Variants in ADAM9 observed in about 807,000 individuals in gnomAD.
ADAM9 encodes ADAM metallopeptidase domain 9.
In ADAM9, 54 loss-of-function variants were observed where a neutral mutation model predicts 108.1. The ratio of observed to expected loss-of-function variants is 0.50; its 90% CI spans 0.40 to 0.63. The LOEUF is 0.63. Among genes scored for constraint, ADAM9 ranks in the 20% least tolerant of loss-of-function variants. ADAM9 has a pLI of 0.00. For missense variants in ADAM9, 830 were observed against 997.7 expected, an observed-to-expected ratio of 0.83 and a Z score of 2.26; for synonymous variants, 316 against 336.0, an observed-to-expected ratio of 0.94 and a Z score of 0.65.
intron 20 of ADAM9, among the ~76,000 whole-genome samples, chr8:39,094,960 TG>T (rs1284570566): frequency 6.6e-6 from 1 of 152,228 alleles, no homozygotes; most frequent in African/African-American, 2.4e-5. Flanking sequence ...AGGCTCAGAT[TG>T]TTCCTCTTTT....
intron 11 of ADAM9, among the ~76,000 whole-genome samples, chr8:39,040,328 G>A (rs775761290): frequency 3.2e-4 from 49 of 152,072 alleles, no homozygotes; most frequent in Middle Eastern, 3.2e-3. Flanking sequence ...GGATTACAGC[G>A]GTGAGCCACC....
chr8:39,016,147 G>T lies in ADAM9; in HGVS notation c.363G>T (p.Glu121Asp). ...ATTGTCATTATCGGGGCTATGTGGA[G>T]GGAGTTCATAATTCATCCATTGCTC... ...QNHCHYRGYV[E>D]GVHNSSIALS... Residue 121 changes from glutamate to aspartate, a missense_variant, in exon 5 of 22, where the codon GAG (glutamate) becomes GAT (aspartate). Around this residue, in one of 3 missense-constraint regions of ADAM9, gnomAD observed 211 missense variants for 222.2 expected, o/e 0.95. Transcript: ENST00000487273. The T allele has an allele frequency of 1.2e-6, 2 of 1,613,796 alleles. No homozygotes were observed. Among genetic ancestry groups the T allele is most frequent in the Non-Finnish European group, 1.7e-6 (2 of 1,179,776 alleles).
At chr8:39,066,704 C>G (rs1365806891) in intron 14 of ADAM9, among the ~76,000 whole-genome samples, 1 of 152,122 alleles carries the variant, frequency 6.6e-6, no homozygotes, top group Non-Finnish European at 1.5e-5. Flanking sequence ...TGTAGGTTGC[C>G]TGTTCACTCT....
At chr8:39,016,542 A>G (rs941744519) in intron 5 of ADAM9, among the ~76,000 whole-genome samples, 12 of 152,196 alleles carry the variant, frequency 7.9e-5, no homozygotes, top group African/African-American at 2.9e-4. Context: ...ATGACTGTGA[A>G]TAAGAGCTCA....
intron 11 of ADAM9, 150 bp downstream of exon 11, chr8:39,026,960 T>A: frequency 2.4e-5 from 5 of 211,636 alleles, no homozygotes; most frequent in South Asian, 1.1e-4. Context: ...ATGAGAAGTC[T>A]TTTTTTTTTT....
chr8:39,072,762 A>C (rs757206393), intron 15 of ADAM9, among the ~76,000 whole-genome samples: 15 of 152,220 alleles, frequency 9.9e-5, no homozygotes, highest in Non-Finnish European at 2.1e-4. Flanking sequence ...CAACAGGACC[A>C]GCTCTCCCTC....
chr8:39,103,553 G>T, intron 21 of ADAM9, 54 bp from the exon 22 acceptor site: 4 of 1,508,476 alleles, frequency 2.7e-6, no homozygotes, highest in South Asian at 1.1e-5. Context: ...AATGAATATG[G>T]CATTATTTCA....
Position 39,073,100 on chromosome 8 carries a change from T to G in ADAM9, c.1697+1697T>G, listed in dbSNP as rs188684563. ...CTTAATACCAGACCAATATATGGTCTGTATGGGTAAATGTTCCATGTATAA... is the reference window on the plus strand; with the variant it reads ...CTTAATACCAGACCAATATATGGTCGGTATGGGTAAATGTTCCATGTATAA... On this transcript the variant is annotated intron_variant, in intron 15 of 21. Coordinates refer to ENST00000487273, the MANE Select transcript of ADAM9 (RefSeq NM_003816.3). Among the ~76,000 whole-genome samples, 7 of 152,366 alleles carry G rather than the reference T, an allele frequency of 4.6e-5. No homozygotes were observed. In the East Asian group the frequency reaches 1.2e-3, roughly 25 times the overall value.
chr8:39,101,733 C>T (rs1009176200), intron 20 of ADAM9, 130 bp from the exon 21 acceptor site: 3 of 804,130 alleles, frequency 3.7e-6, no homozygotes, highest in Non-Finnish European at 5.9e-6. Context: ...TCTTCTGGTT[C>T]TAAGCATTTC....
chr8:39,067,108 T>C (rs1486764432), intron 14 of ADAM9, among the ~76,000 whole-genome samples: 1 of 152,220 alleles, frequency 6.6e-6, no homozygotes, highest in African/African-American at 2.4e-5. Flanking sequence ...TCCATTGGTC[T>C]ATATCTCTGT....
intron 13 of ADAM9, 45 bp from the exon 14 acceptor site, chr8:39,055,532 A>G (rs1838091320): frequency 6.3e-7 from 1 of 1,578,278 alleles, no homozygotes; most frequent in African/African-American, 1.3e-5. Flanking sequence ...TAATTTGTGG[A>G]CATTATCCTG....
intron 14 of ADAM9, among the ~76,000 whole-genome samples, chr8:39,067,320 T>C (rs1040696060): frequency 1.3e-5 from 2 of 152,230 alleles, no homozygotes; most frequent in African/African-American, 4.8e-5. Flanking sequence ...GGGATGGCAT[T>C]GAATGTATAA....
Position 39,017,289 on chromosome 8 carries a change from A to G in ADAM9, c.481A>G (p.Ile161Val), listed in dbSNP as rs150089476. ...GCAGAACAGCTCTCATTTTGAGCAC[A>G]TCATTTATCGAATGGATGATGTCTA... ...PLQNSSHFEH[I>V]IYRMDDVYKE... Residue 161 changes from isoleucine to valine, a missense_variant, in exon 6 of 22, where the codon ATC becomes GTC. By Grantham distance (29) the Ile-to-Val change is conservative (BLOSUM62 3). Around this residue, in one of 3 missense-constraint regions of ADAM9, gnomAD observed 211 missense variants for 222.2 expected, o/e 0.95. Transcript: ENST00000487273. 1.4e-5 allele frequency: 22 copies of G among 1,614,062 alleles called. No homozygotes were observed. Among genetic ancestry groups the G allele is most frequent in the Non-Finnish European group, 1.8e-5 (21 of 1,180,034 alleles).
chr8:39,013,833 T>G, intron 3 of ADAM9, 132 bp from the exon 4 acceptor site: 1 of 766,772 alleles, frequency 1.3e-6, no homozygotes, highest in South Asian at 1.6e-5. Flanking sequence ...AATAGCACAT[T>G]TAAAAATAAT....
rs192657345 is a variant in ADAM9 at position 39,055,805 on chromosome 8, G to C, written c.1591+33G>C. Reference sequence around the variant, plus strand: ...ATCATCATTTATAATTGATTGCTTCGATATTATTTATTTTTGATTTAGATA... The same window carrying C: ...ATCATCATTTATAATTGATTGCTTCCATATTATTTATTTTTGATTTAGATA... On this transcript the variant is annotated intron_variant, in intron 14 of 21. Transcript: ENST00000487273. The C allele has an allele frequency of 6.5e-3, 10,192 of 1,578,994 alleles. 47 individuals carry two copies. Among genetic ancestry groups the C allele is most frequent in the Non-Finnish European group, 7.9e-3 (9,074 of 1,153,136 alleles).
chr8:39,017,454 T>G, intron 6 of ADAM9, 40 bp downstream of exon 6: 1 of 1,587,154 alleles, frequency 6.3e-7, no homozygotes, highest in Non-Finnish European at 8.6e-7. Context: ...CAGACTACCA[T>G]TTTAGAAAAA....
At chr8:39,082,891 C>G (rs1314908806) in intron 17 of ADAM9, 77 bp from the exon 18 acceptor site, 1 of 1,413,802 alleles carries the variant, frequency 7.1e-7, no homozygotes, top group Non-Finnish European at 9.9e-7. Flanking sequence ...AGTCCTTTCT[C>G]TTGGTTTCCA....
At chr8:39,037,658 C>CACATCA (rs1837329290) in intron 11 of ADAM9, among the ~76,000 whole-genome samples, 1 of 151,598 alleles carries the variant, frequency 6.6e-6, no homozygotes, top group South Asian at 2.1e-4. Flanking sequence ...CTCAAGTGAT[C>CACATCA]CTCTTGCCTT....
chr8:39,010,151 G>C (rs1836308971), intron 2 of ADAM9, among the ~76,000 whole-genome samples: 1 of 152,042 alleles, frequency 6.6e-6, no homozygotes, highest in African/African-American at 2.4e-5. Flanking sequence ...ACTAGAAGGA[G>C]GGGGGTGAAC....
Sources: allele counts gnomAD v4.1 joint callset (sites outside exome capture counted in the v4.1 genomes callset), GRCh38; gene constraint gnomAD v4.1.1; regional missense constraint gnomAD v4.1.1; transcripts MANE v1.5; gene names NCBI Gene and HGNC (gene_info 2026-07-23, HGNC 2026-07-21).